PAX3: variants seen among roughly 807,000 people sequenced by gnomAD.
PAX3 encodes paired box 3, also known as paired box protein Pax-3.
Under a neutral mutation model 51.6 loss-of-function variants are expected in PAX3, and 14 were observed. The ratio of observed to expected loss-of-function variants is 0.27; its 90% confidence interval spans 0.18 to 0.42. The LOEUF is 0.42. Ranked by LOEUF, PAX3 falls within the 10% of genes least tolerant of loss-of-function variation. PAX3 has a pLI of 1.00. For synonymous variants in PAX3, 280 were observed against 253.4 expected, an observed-to-expected ratio of 1.11 and a Z score of -1.00; for missense variants, 540 against 642.8, an observed-to-expected ratio of 0.84 and a Z score of 1.73.
At chr2:222,213,905 C>T (rs777021398) in intron 7 of PAX3, among the ~76,000 whole-genome samples, 7 of 152,180 alleles carry the variant, frequency 4.6e-5, no homozygotes, top group Non-Finnish European at 8.8e-5. Context: ...GAAATAGAAG[C>T]TGGCTGTACC....
At chr2:222,237,677 A>G (rs571945513) in intron 4 of PAX3, among the ~76,000 whole-genome samples, 1 of 152,368 alleles carries the variant, frequency 6.6e-6, no homozygotes, top group East Asian at 1.9e-4. Flanking sequence ...AAAGTAGTTC[A>G]TCTGACCATT....
intron 7 of PAX3, among the ~76,000 whole-genome samples, chr2:222,206,648 T>C (rs1290530578): frequency 6.6e-6 from 1 of 152,142 alleles, no homozygotes; most frequent in Non-Finnish European, 1.5e-5. Flanking sequence ...GATTATATGG[T>C]TCAGGAAAAA....
At chr2:222,254,398 C>T (rs1037646863) in intron 4 of PAX3, among the ~76,000 whole-genome samples, 4 of 151,250 alleles carry the variant, frequency 2.6e-5, no homozygotes, top group African/African-American at 7.3e-5. Flanking sequence ...TTGCAATAAG[C>T]GTTGTCCAGT....
intron 4 of PAX3, among the ~76,000 whole-genome samples, chr2:222,261,796 A>G (rs559206934): frequency 6.6e-6 from 1 of 152,352 alleles, no homozygotes; most frequent in South Asian, 2.1e-4. Context: ...AATGATATAA[A>G]AGCCATGAGG....
intron 4 of PAX3, among the ~76,000 whole-genome samples, chr2:222,251,314 C>G (rs1693422738): frequency 6.6e-6 from 1 of 151,462 alleles, no homozygotes. Flanking sequence ...TCCATGTGTT[C>G]TCATTGTTCA....
At chr2:222,220,073 G>T (rs1034516896) in intron 7 of PAX3, 67 bp downstream of exon 7, 23 of 1,350,822 alleles carry the variant, frequency 1.7e-5, no homozygotes, top group Non-Finnish European at 2.4e-5. Context: ...TTACACTACT[G>T]CCTCAGGGAA....
chr2:222,289,692 A>C (rs1227503071), intron 4 of PAX3, among the ~76,000 whole-genome samples: 4 of 152,232 alleles, frequency 2.6e-5, no homozygotes, highest in Non-Finnish European at 5.9e-5. Context: ...CAAACCAAAC[A>C]AGCGAAAAAG....
At chr2:222,207,037 TAAAG>T (rs1047278002) in intron 7 of PAX3, among the ~76,000 whole-genome samples, 2 of 152,156 alleles carry the variant, frequency 1.3e-5, no homozygotes, top group East Asian at 1.9e-4. Context: ...TTGTATGACA[TAAAG>T]AGTTTTTTTA....
chr2:222,212,805 A>G (rs929199947), intron 7 of PAX3, among the ~76,000 whole-genome samples: 2 of 152,238 alleles, frequency 1.3e-5, no homozygotes, highest in African/African-American at 4.8e-5. Flanking sequence ...AAAGCTTTAC[A>G]TCGCATTCCA....
At chr2:222,207,190 T>C (rs1559253443) in intron 7 of PAX3, among the ~76,000 whole-genome samples, 1 of 152,294 alleles carries the variant, frequency 6.6e-6, no homozygotes, top group East Asian at 1.9e-4. Flanking sequence ...AGTCATCTAA[T>C]GGTTAAATTT....
intron 4 of PAX3, among the ~76,000 whole-genome samples, chr2:222,275,267 T>C (rs2106165027): frequency 6.6e-6 from 1 of 152,320 alleles, no homozygotes; most frequent in South Asian, 2.1e-4. Context: ...GTTTGGCTTC[T>C]ATTTTAAAAG....
At chr2:222,278,440 GAAGGTTGTGAGTTCT>G (rs1284670817) in intron 4 of PAX3, among the ~76,000 whole-genome samples, 1 of 152,224 alleles carries the variant, frequency 6.6e-6, no homozygotes, top group African/African-American at 2.4e-5. Flanking sequence ...GCTCCTTGGG[GAAGGTTGTGAGTTCT>G]AAGGTGAGAT....
chr2:222,271,384 A>G (rs1280533032), intron 4 of PAX3, among the ~76,000 whole-genome samples: 1 of 152,240 alleles, frequency 6.6e-6, no homozygotes. Flanking sequence ...ATGCTTCCTC[A>G]GGATGCTATG....
intron 4 of PAX3, among the ~76,000 whole-genome samples, chr2:222,240,022 G>T (rs1390347373): frequency 2.0e-5 from 3 of 152,036 alleles, no homozygotes; most frequent in African/African-American, 7.2e-5. Context: ...CTCGGAAGCT[G>T]CCGTCTCACA....
rs201677677 is a variant in PAX3, at chr2:222,227,723, CT to C, written c.792+4354del. Among the ~76,000 whole-genome samples the C allele has an allele frequency of 6.5e-3, 930 of 142,928 alleles. 7 individuals carry two copies. The highest frequency in any genetic ancestry group is 0.023 in the African/African-American group (885 of 37,818). 93.8% of individuals were successfully genotyped at this position (142,928 alleles called of 152,430 possible). A position where few individuals can be genotyped will look rare whatever the true frequency, so the allele number is the denominator to read the frequency against. ...ATTACAGATGAATTAGGCAAATCAT[CT>C]TTTTTAAAAAAAAAAAAAACCTTGT... On this transcript the variant is annotated intron_variant, in intron 5 of 8. Coordinates refer to ENST00000392070, the MANE Select transcript of PAX3 (RefSeq NM_181458.4).
chr2:222,261,918 C>T (rs1693876374), intron 4 of PAX3, among the ~76,000 whole-genome samples: 1 of 152,204 alleles, frequency 6.6e-6, no homozygotes, highest in Non-Finnish European at 1.5e-5. Context: ...TTTAAACAAG[C>T]ATGACAGGCA....
intron 4 of PAX3, among the ~76,000 whole-genome samples, chr2:222,247,671 A>G (rs1559283674): frequency 6.6e-6 from 1 of 152,090 alleles, no homozygotes; most frequent in Admixed American, 6.6e-5. Context: ...GTGGATCTAT[A>G]GGTGAATTTA....
At chr2:222,292,887 G>GT (rs1422681898) in intron 4 of PAX3, among the ~76,000 whole-genome samples, 1 of 152,216 alleles carries the variant, frequency 6.6e-6, no homozygotes, top group Non-Finnish European at 1.5e-5. Context: ...ATCTACACTT[G>GT]TTTTTCCCTC....
intron 4 of PAX3, chr2:222,293,739 C>T (rs370414876): frequency 4.3e-6 from 7 of 1,614,022 alleles, no homozygotes; most frequent in Non-Finnish European, 5.9e-6. Context: ...CGAGGAAACT[C>T]CGGAGACCAG....
Sources: gnomAD v4.1 joint callset for allele counts (sites outside exome capture counted in the v4.1 genomes callset) on GRCh38, gnomAD v4.1.1 for gene constraint, MANE v1.5 for transcripts, NCBI Gene and HGNC (gene_info 2026-07-23, HGNC 2026-07-21) for gene names.